HCK: variants seen among roughly 807,000 people sequenced by gnomAD.
The protein encoded by HCK is HCK proto-oncogene, Src family tyrosine kinase, also known as tyrosine-protein kinase HCK.
A neutral mutation model predicts 70.4 loss-of-function variants in HCK; 40 were observed. That is an observed-to-expected ratio of 0.57 (90% CI 0.44 to 0.74). The LOEUF (loss-of-function observed/expected upper bound fraction) is 0.74, where lower values mean the gene tolerates loss of function less well. Ranked by LOEUF, HCK falls within the 30% of genes least tolerant of loss-of-function variation. The probability of loss-of-function intolerance (pLI) is 0.00; values close to 1 mark genes in which losing one functional copy is unlikely to be tolerated. For synonymous variants in HCK, 245 were observed against 263.2 expected, an observed-to-expected ratio of 0.93 and a Z score of 0.67; for missense variants, 568 against 697.2, an observed-to-expected ratio of 0.81 and a Z score of 2.09.
intron 1 of HCK, among the ~76,000 whole-genome samples, chr20:32,071,075 A>T (rs1282012375): frequency 6.6e-6 from 1 of 152,188 alleles, no homozygotes; most frequent in East Asian, 1.9e-4. Flanking sequence ...GAGCCATGTT[A>T]TGTGACCTCA....
At chr20:32,061,399 G>T (rs1172846833) in intron 1 of HCK, among the ~76,000 whole-genome samples, 2 of 152,226 alleles carry the variant, frequency 1.3e-5, no homozygotes, top group Non-Finnish European at 2.9e-5. Context: ...CTCAGTCATT[G>T]GCTGGGAGCA....
At position 32,071,724 on chromosome 20, in the gene HCK, C is replaced by G; in HGVS notation, c.125C>G (p.Thr42Ser). 1 of 1,614,196 alleles carries G rather than the reference C, an allele frequency of 6.2e-7. No individual in the cohort carries two copies. The highest frequency in any genetic ancestry group is 1.1e-5 in the South Asian group (1 of 91,090). The change falls in exon 2 of 13, where the codon ACC becomes AGC. Residue 42 changes from threonine to serine, a missense_variant. Transcript: ENST00000375852. ...GGCAATACATTCTCAAAAACTGAAA[C>G]CAGCGCCAGCCCACACTGTCCTGTG...
At chr20:32,073,074 T>A (rs959951707) in intron 2 of HCK, among the ~76,000 whole-genome samples, 1 of 152,220 alleles carries the variant, frequency 6.6e-6, no homozygotes, top group Non-Finnish European at 1.5e-5. Context: ...CACTCCAGCC[T>A]GGGTGACAGA....
intron 5 of HCK, among the ~76,000 whole-genome samples, chr20:32,076,485 T>C (rs888765941): frequency 1.3e-5 from 2 of 152,200 alleles, no homozygotes; most frequent in Non-Finnish European, 1.5e-5. Flanking sequence ...TCACCTCATG[T>C]AGTCCTTGCA....
rs552045060 is a variant in HCK at position 32,060,664 on chromosome 20, A to C, written c.62+8178A>C. On this transcript the variant is annotated intron_variant, in intron 1 of 12. Coordinates refer to ENST00000375852, the MANE Select transcript of HCK (RefSeq NM_002110.5). Reference sequence around the variant, plus strand: ...TAATAAACAAATCAACAGGTAATACATTAGGTGCATTAGTCCAGGTCCTTT... The same window carrying C: ...TAATAAACAAATCAACAGGTAATACCTTAGGTGCATTAGTCCAGGTCCTTT... Among the ~76,000 whole-genome samples, 45 of 152,360 alleles carry C rather than the reference A, an allele frequency of 3.0e-4. No individual in the cohort carries two copies. The South Asian group carries it at 8.1e-3, about 27-fold the overall frequency.
intron 5 of HCK, among the ~76,000 whole-genome samples, chr20:32,076,378 C>T (rs2045626329): frequency 6.6e-6 from 1 of 152,092 alleles, no homozygotes; most frequent in Non-Finnish European, 1.5e-5. Context: ...ACTGGGGGCT[C>T]TTAGCTGTTT....
intron 1 of HCK, among the ~76,000 whole-genome samples, chr20:32,058,951 C>T (rs2045319564): frequency 1.3e-5 from 2 of 152,182 alleles, no homozygotes; most frequent in African/African-American, 4.8e-5. Context: ...GAAAACTACT[C>T]CTGGGGATGT....
chr20:32,089,755 G>A (rs936044515), intron 10 of HCK, among the ~76,000 whole-genome samples: 1 of 152,240 alleles, frequency 6.6e-6, no homozygotes, highest in Non-Finnish European at 1.5e-5. Flanking sequence ...GTATTAGAGT[G>A]CATAGCTAGA....
intron 1 of HCK, among the ~76,000 whole-genome samples, chr20:32,070,184 A>T (rs1011977424): frequency 1.3e-5 from 2 of 152,062 alleles, no homozygotes; most frequent in Admixed American, 1.3e-4. Flanking sequence ...GGCCACCATC[A>T]TCTCATACCT....
intron 1 of HCK, among the ~76,000 whole-genome samples, chr20:32,062,737 C>A (rs984029304): frequency 6.6e-6 from 1 of 152,118 alleles, no homozygotes; most frequent in African/African-American, 2.4e-5. Flanking sequence ...CAGGAGTGAC[C>A]CCTAACTGTC....
In HCK at chr20:32,073,793, G is replaced by A. The variant is rs777232752; in HGVS notation, c.304G>A (p.Gly102Arg). The change falls in exon 4 of 13, where the codon GGG (glycine) becomes AGG (arginine). Residue 102 changes from glycine (G) to arginine (R), a missense_variant. Gly to Arg is a moderately radical substitution (Grantham distance 125). This residue lies in a region of HCK where 318 missense variants were observed against 336.0 expected (regional missense o/e 0.95). Transcript: ENST00000375852. Reference sequence around the variant, plus strand: ...CCACGAAGACCTCAGCTTCCAGAAGGGGGACCAGATGGTGGTCCTAGAGGA... The same window carrying A: ...CCACGAAGACCTCAGCTTCCAGAAGAGGGACCAGATGGTGGTCCTAGAGGA... 6.4e-6 allele frequency: 10 copies of A among 1,553,908 alleles called. No homozygotes were observed. In the South Asian group the frequency reaches 1.2e-4, roughly 18 times the overall value.
chr20:32,057,402 C>G (rs565623052), intron 1 of HCK, among the ~76,000 whole-genome samples: 2 of 152,272 alleles, frequency 1.3e-5, no homozygotes, highest in African/African-American at 4.8e-5. Context: ...GAGTTCGAGA[C>G]CAGCCTGGGT....
intron 2 of HCK, among the ~76,000 whole-genome samples, chr20:32,072,885 G>T (rs1196481171): frequency 6.6e-6 from 1 of 152,160 alleles, no homozygotes; most frequent in Non-Finnish European, 1.5e-5. Flanking sequence ...AGCACTTTGG[G>T]AGGTCAGGAG....
chr20:32,054,430 C>T (rs1450056784), intron 1 of HCK: 2 of 353,438 alleles, frequency 5.7e-6, no homozygotes, highest in African/African-American at 2.6e-5. Context: ...GAGCCGAGAT[C>T]GCGCCATTGC....
intron 1 of HCK, among the ~76,000 whole-genome samples, chr20:32,066,790 A>G (rs562670320): frequency 1.3e-5 from 2 of 152,294 alleles, no homozygotes; most frequent in South Asian, 2.1e-4. Context: ...CTAGTACTCA[A>G]TGGTAGTAGC....
At chr20:32,073,510 T>A in intron 3 of HCK, 149 bp downstream of exon 3, 1 of 715,752 alleles carries the variant, frequency 1.4e-6, no homozygotes, top group Non-Finnish European at 2.3e-6. Flanking sequence ...CGCAGGCTAT[T>A]GTGTTTCTAG....
chr20:32,090,108 G>A (rs2045844480), intron 10 of HCK, among the ~76,000 whole-genome samples: 1 of 152,224 alleles, frequency 6.6e-6, no homozygotes, highest in Non-Finnish European at 1.5e-5. Context: ...AGAGGCATAT[G>A]GAAATGTGTT....
chr20:32,054,696 C>T (rs2045242545), intron 1 of HCK, among the ~76,000 whole-genome samples: 1 of 151,810 alleles, frequency 6.6e-6, no homozygotes, highest in East Asian at 1.9e-4. Context: ...GTCCCAGCTA[C>T]TGGGGAGGCT....
At chr20:32,088,915 T>C (rs1373674469) in intron 10 of HCK, among the ~76,000 whole-genome samples, 1 of 152,152 alleles carries the variant, frequency 6.6e-6, no homozygotes, top group African/African-American at 2.4e-5. Flanking sequence ...ACAACAGCAA[T>C]TGTTATTTCT....
Sources: gnomAD v4.1 joint callset for allele counts (sites outside exome capture counted in the v4.1 genomes callset) on GRCh38, gnomAD v4.1.1 for gene constraint, gnomAD v4.1.1 regional missense constraint, MANE v1.5 for transcripts, NCBI Gene and HGNC (gene_info 2026-07-23, HGNC 2026-07-21) for gene names.